Variants in SLC25A38 observed in about 807,000 individuals in gnomAD.
SLC25A38 encodes the protein solute carrier family 25 member 38, also known as mitochondrial glycine transporter.
SLC25A38 carries 27 observed loss-of-function variants against 33.4 expected under a neutral mutation model. That is an observed-to-expected ratio of 0.81 (90% CI 0.60 to 1.11). The LOEUF (loss-of-function observed/expected upper bound fraction) is 1.11, where lower values mean the gene tolerates loss of function less well. Among genes scored for constraint, SLC25A38 ranks in the 50% most tolerant of loss-of-function variants. SLC25A38 has a pLI of 0.00. For synonymous variants in SLC25A38, 123 were observed against 145.9 expected, an observed-to-expected ratio of 0.84 and a Z score of 1.13; for missense variants, 344 against 388.8, an observed-to-expected ratio of 0.88 and a Z score of 0.97.
chr3:39,384,861 C>T (rs1361869904), intron 1 of SLC25A38, among the ~76,000 whole-genome samples: 3 of 148,868 alleles, frequency 2.0e-5, no homozygotes, highest in African/African-American at 5.0e-5. Context: ...AGTGCAGTGG[C>T]GTGATCTCGG....
chr3:39,396,758 A>T lies in SLC25A38; in HGVS notation c.*238A>T. The T allele has an allele frequency of 1.7e-6, 1 of 593,192 alleles. No homozygotes were observed. The highest frequency in any genetic ancestry group is 3.3e-5 in the East Asian group (1 of 30,506). 36.7% of individuals were successfully genotyped at this position (593,192 alleles called of 1,614,324 possible). On this transcript the variant is annotated 3_prime_UTR_variant, in exon 7 of 7. Transcript: ENST00000650617. ...AGAGCACACTAGGGTGTTAGGAGAG[A>T]GCTTTGCATACTCTGAGAGGCTACT...
chr3:39,386,401 C>T (rs1005198732), intron 1 of SLC25A38, among the ~76,000 whole-genome samples: 2 of 151,918 alleles, frequency 1.3e-5, no homozygotes, highest in Non-Finnish European at 2.9e-5. Context: ...TGCAACATAG[C>T]GAAACCCCGT....
chr3:39,396,254 G>A, intron 6 of SLC25A38, 144 bp from the exon 7 acceptor site: 1 of 1,359,944 alleles, frequency 7.4e-7, no homozygotes, highest in South Asian at 1.2e-5. Flanking sequence ...TGTCTCCTTG[G>A]ACCCATTATT....
chr3:39,384,950 C>T (rs28720962), intron 1 of SLC25A38, among the ~76,000 whole-genome samples: 19,195 of 151,740 alleles, frequency 0.13, 1,411 homozygotes, highest in Middle Eastern at 0.18. Context: ...TACAGGCGTG[C>T]GCCACCACGC....
rs761115511 is a variant in SLC25A38, at chr3:39,391,881, A to G, written c.485A>G (p.Tyr162Cys). Residue 162 changes from tyrosine to cysteine, a missense_variant, in exon 5 of 7, where the codon TAC becomes TGC. Physicochemically the swap from Tyr to Cys is radical, Grantham distance 194 (BLOSUM62 -2). This residue lies in a region of SLC25A38 where 269 missense variants were observed against 271.8 expected (regional missense o/e 0.99). Transcript: ENST00000650617. The part of the protein sequence containing the change: ...ESGKYGYESI[Y>C]AALRSIYHSE... ...GGGAAATATGGCTATGAGAGTATCT[A>G]CGCTGCCCTGAGGAGCATCTATCAC... 3.3e-5 allele frequency: 54 copies of G among 1,613,688 alleles called. No individual in the cohort carries two copies. Among genetic ancestry groups the G allele is most frequent in the Non-Finnish European group, 4.4e-5 (52 of 1,180,000 alleles).
chr3:39,383,807 G>C lies in SLC25A38; in HGVS notation c.69+14G>C, dbSNP rs748544696. The C allele has an allele frequency of 6.2e-6, 10 of 1,613,848 alleles. No individual in the cohort carries two copies. The highest frequency in any genetic ancestry group is 8.5e-6 in the Non-Finnish European group (10 of 1,179,898). On this transcript the variant is annotated intron_variant, in intron 1 of 6. Coordinates refer to ENST00000650617, the MANE Select transcript of SLC25A38 (RefSeq NM_017875.4). ...GAAACGCTTATGGTGAGGGCACTGCGGGGAAGGAAGGGCAGGGGTCCGAAC... is the reference window on the plus strand; with the variant it reads ...GAAACGCTTATGGTGAGGGCACTGCCGGGAAGGAAGGGCAGGGGTCCGAAC...
At chr3:39,395,381 T>G (rs1442627087) in intron 6 of SLC25A38, among the ~76,000 whole-genome samples, 2 of 151,500 alleles carry the variant, frequency 1.3e-5, no homozygotes, top group African/African-American at 4.9e-5. Flanking sequence ...AAGACCAGCA[T>G]GGGCAATGTA....
rs1036211137 is a variant in SLC25A38, at chr3:39,396,843, C to T, written c.*323C>T. On this transcript the variant is annotated 3_prime_UTR_variant, in exon 7 of 7. Coordinates refer to ENST00000650617, the MANE Select transcript of SLC25A38 (RefSeq NM_017875.4). Reference sequence around the variant, plus strand: ...TGGCTGCGCTTCAGCCCCACCCCTACACCACAGGGTCTCCTTGGGTATGTT... The same window carrying T: ...TGGCTGCGCTTCAGCCCCACCCCTATACCACAGGGTCTCCTTGGGTATGTT... The T allele has an allele frequency of 5.1e-6, 2 of 388,988 alleles. No homozygotes were observed. The highest frequency in any genetic ancestry group is 1.3e-4 in the East Asian group (2 of 15,972). The allele number at this position is 388,988 out of a possible 1,614,324, so 24.1% of individuals were successfully genotyped here. A position where few individuals can be genotyped will look rare whatever the true frequency, so the allele number is the denominator to read the frequency against.
chr3:39,386,560 G>A (rs898004297), intron 1 of SLC25A38, among the ~76,000 whole-genome samples: 4 of 152,226 alleles, frequency 2.6e-5, no homozygotes, highest in Non-Finnish European at 4.4e-5. Context: ...AGGCATCAGA[G>A]CAAGACCTTG....
intron 3 of SLC25A38, 48 bp from the exon 4 acceptor site, chr3:39,391,393 T>TA (rs758689666): frequency 2.5e-6 from 4 of 1,611,434 alleles, no homozygotes; most frequent in Non-Finnish European, 3.4e-6. Context: ...AGATAATACT[T>TA]AAAGTGTTTG....
In SLC25A38 at chr3:39,383,902, G is replaced by T. The variant is rs115072733; in HGVS notation, c.69+109G>T. The T allele has an allele frequency of 2.7e-3, 3,360 of 1,260,320 alleles. 78 individuals are homozygous for T. In the African/African-American group the frequency reaches 0.044, roughly 17 times the overall value. The allele number at this position is 1,260,320 out of a possible 1,614,324, so 78.1% of individuals were successfully genotyped here. On this transcript the variant is annotated intron_variant, in intron 1 of 6. Coordinates refer to ENST00000650617, the MANE Select transcript of SLC25A38 (RefSeq NM_017875.4). ...TACCCTTTTCCGCGCCCCAGGGTGCGCTCAGGATTTAGGATGCGGCGGGAG... is the reference window on the plus strand; with the variant it reads ...TACCCTTTTCCGCGCCCCAGGGTGCTCTCAGGATTTAGGATGCGGCGGGAG...
chr3:39,384,528 T>G (rs1398903262), intron 1 of SLC25A38: 1 of 392,078 alleles, frequency 2.6e-6, no homozygotes, highest in East Asian at 3.6e-5. Context: ...TTTTAATCCT[T>G]AAAGGCGGAG....
chr3:39,396,447 G>A lies in SLC25A38; in HGVS notation c.842G>A (p.Arg281His). The A allele has an allele frequency of 1.9e-6, 3 of 1,614,054 alleles. No homozygotes were observed. The highest frequency in any genetic ancestry group is 1.3e-5 in the African/African-American group (1 of 75,002). ...CAAGGTGGCATCCCCCGAGCCCTCC[G>A]CAGAACTCTAATGGCAGCAATGGCG... ...FFQGGIPRAL[R>H]RTLMAAMAWT... is the part of the protein sequence containing the mutation. Residue 281 changes from arginine (R) to histidine (H), a missense_variant, in exon 7 of 7, where the codon CGC (arginine) becomes CAC (histidine). Physicochemically the swap from Arg to His is conservative, Grantham distance 29. Around this residue, in one of 2 missense-constraint regions of SLC25A38, gnomAD observed 75 missense variants for 117.0 expected, o/e 0.64. Coordinates refer to ENST00000650617, the MANE Select transcript of SLC25A38 (RefSeq NM_017875.4).
rs1412121454 is a variant in SLC25A38, at chr3:39,391,575, A to G, written c.411A>G (p.Ala137=). The G allele has an allele frequency of 1.9e-6, 3 of 1,614,032 alleles. No individual in the cohort carries two copies. The highest frequency in any genetic ancestry group is 1.1e-5 in the South Asian group (1 of 91,088). ...VMLGVGSRSV[A]GVCMSPITVI... Reference sequence around the variant, plus strand: ...TGGGGGTGGGCTCTCGCTCTGTTGCAGGGGTCTGTATGTCACCTATCACTG... The same window carrying G: ...TGGGGGTGGGCTCTCGCTCTGTTGCGGGGGTCTGTATGTCACCTATCACTG... The change falls in exon 4 of 7, where the codon GCA becomes GCG. Residue 137 remains alanine (A), a synonymous_variant. Coordinates refer to ENST00000650617, the MANE Select transcript of SLC25A38 (RefSeq NM_017875.4).
chr3:39,391,358 G>T, intron 3 of SLC25A38, 83 bp from the exon 4 acceptor site: 1 of 1,582,988 alleles, frequency 6.3e-7, no homozygotes, highest in Non-Finnish European at 8.7e-7. Context: ...GAATCATCTT[G>T]GGGTCTTTTG....
At chr3:39,385,960 T>C (rs1325875564) in intron 1 of SLC25A38, among the ~76,000 whole-genome samples, 1 of 151,824 alleles carries the variant, frequency 6.6e-6, no homozygotes, top group African/African-American at 2.4e-5. Context: ...AGTGGGAGGG[T>C]GAGAACATAG....
chr3:39,383,917 T>C (rs2041677007), intron 1 of SLC25A38, 124 bp downstream of exon 1: 1 of 1,103,012 alleles, frequency 9.1e-7, no homozygotes, highest in East Asian at 2.6e-5. Flanking sequence ...GGATTTAGGA[T>C]GCGGCGGGAG....
In SLC25A38 at chr3:39,390,448, G is replaced by A. The variant is rs2041749906; in HGVS notation, c.217G>A (p.Val73Ile). 1.2e-6 allele frequency: 2 copies of A among 1,614,198 alleles called. No individual in the cohort carries two copies. Among genetic ancestry groups the A allele is most frequent in the Non-Finnish European group, 1.7e-6 (2 of 1,180,040 alleles). ...HGSRRVGMLA[V>I]LLKVVRTESL... The stretch of plus-strand genomic sequence containing the variant: ...GTCTAGACGTGTTGGGATGTTGGCT[G>A]TACTCTTGAAGGTGGTTCGCACGGA... The change falls in exon 3 of 7, where the codon GTA (valine) becomes ATA (isoleucine). Residue 73 changes from valine to isoleucine, a missense_variant. Transcript: ENST00000650617.
At position 39,389,406 on chromosome 3, in the gene SLC25A38, C is replaced by T. The variant is rs2041735964; in HGVS notation, c.70-89C>T. The T allele has an allele frequency of 1.2e-6, 2 of 1,605,350 alleles. No individual in the cohort carries two copies. Among genetic ancestry groups the T allele is most frequent in the Middle Eastern group, 1.7e-4 (1 of 6,046 alleles). On this transcript the variant is annotated intron_variant, in intron 1 of 6. Coordinates refer to ENST00000650617, the MANE Select transcript of SLC25A38 (RefSeq NM_017875.4). The surrounding 1 kb of genome is among the most constrained non-coding windows in gnomAD (Gnocchi z 4.5). ...CACCACCAGGTAAGTGTCTAAGAGA[C>T]CATTATAAAGGAATTTGCTGGTCAG...
Sources: gnomAD v4.1 joint callset for allele counts (sites outside exome capture counted in the v4.1 genomes callset) on GRCh38, gnomAD v4.1.1 for gene constraint, gnomAD v4.1.1 regional missense constraint, Gnocchi (gnomAD v3.1) non-coding constraint, MANE v1.5 for transcripts, NCBI Gene and HGNC (gene_info 2026-07-23, HGNC 2026-07-21) for gene names.